The following CAPN11 variants were observed in gnomAD, a reference collection of about 807,000 sequenced individuals.
CAPN11 encodes the protein calpain-11.
Under a neutral mutation model 105.3 loss-of-function variants are expected in CAPN11, and 108 were observed. The observed-to-expected ratio is 1.03, with a 90% CI of 0.88 to 1.20. CAPN11 has a LOEUF of 1.20. Ranked by LOEUF, CAPN11 falls within the 50% of genes most tolerant of loss-of-function variation. The pLI, the probability that CAPN11 is intolerant of heterozygous loss-of-function variation, is 0.00. For missense variants in CAPN11, 883 were observed against 924.8 expected (o/e 0.95, Z 0.59); for synonymous variants, 329 against 344.5 (o/e 0.96, Z 0.50).
intron 7 of CAPN11, among the ~76,000 whole-genome samples, chr6:44,174,895 C>T (rs1007617498): frequency 4.0e-5 from 6 of 151,826 alleles, no homozygotes; most frequent in East Asian, 3.9e-4. Context: ...GCTGGGATTG[C>T]GGGTGTGAGC....
At chr6:44,166,084 A>G (rs1769784592) in intron 1 of CAPN11, among the ~76,000 whole-genome samples, 1 of 152,052 alleles carries the variant, frequency 6.6e-6, no homozygotes, top group African/African-American at 2.4e-5. Context: ...GGGGACCAGG[A>G]GAACAGGGGT....
At chr6:44,180,320 C>T in intron 14 of CAPN11, 140 bp from the exon 15 acceptor site, 1 of 930,538 alleles carries the variant, frequency 1.1e-6, no homozygotes, top group Non-Finnish European at 1.7e-6. Flanking sequence ...AGTGGCAGAA[C>T]CAGAACTAGA....
intron 11 of CAPN11, 89 bp downstream of exon 11, chr6:44,177,087 C>A: frequency 6.6e-7 from 1 of 1,515,124 alleles, no homozygotes; most frequent in Non-Finnish European, 9.0e-7. Flanking sequence ...GCACGAGTCA[C>A]CGGAGTCAGG....
At position 44,184,006 on chromosome 6, in the gene CAPN11, T is replaced by C; in HGVS notation, c.*74T>C. The C allele has an allele frequency of 6.7e-7, 1 of 1,496,992 alleles. No homozygotes were observed. Among genetic ancestry groups the C allele is most frequent in the South Asian group, 1.2e-5 (1 of 82,828 alleles). The allele number at this position is 1,496,992 out of a possible 1,614,324, so 92.7% of individuals were successfully genotyped here. On this transcript the variant is annotated 3_prime_UTR_variant, in exon 23 of 23. Coordinates refer to ENST00000398776, the MANE Select transcript of CAPN11 (RefSeq NM_007058.4). Reference sequence around the variant, plus strand: ...GTTCTAGCCCAGGAGGGTGGGGTGCTTCTTGTAGCCCTCAGCTCTCCGGTC... The same window carrying C: ...GTTCTAGCCCAGGAGGGTGGGGTGCCTCTTGTAGCCCTCAGCTCTCCGGTC...
chr6:44,167,044 C>T (rs534124092), intron 2 of CAPN11, among the ~76,000 whole-genome samples: 6 of 152,188 alleles, frequency 3.9e-5, no homozygotes, highest in Admixed American at 1.3e-4. Context: ...AGTCCCAAGC[C>T]GCCTGGCAGG....
rs1454793701 is a variant in CAPN11 at position 44,181,622 on chromosome 6, CACACAT to C, written c.1938+308_1938+313del. On this transcript the variant is annotated intron_variant, in intron 19 of 22. Coordinates refer to ENST00000398776, the MANE Select transcript of CAPN11 (RefSeq NM_007058.4). Reference sequence around the variant, plus strand: ...GACACAACCACACCACACTCACACACACACATACACACTCACATACAGACACAACCA... The same window carrying C: ...GACACAACCACACCACACTCACACACACACACTCACATACAGACACAACCA... Among the ~76,000 whole-genome samples, 16 of 19,258 alleles carry C rather than the reference CACACAT, an allele frequency of 8.3e-4. 1 individual carries two copies. The highest frequency in any genetic ancestry group is 2.1e-3 in the African/African-American group (8 of 3,820). The allele number at this position is 19,258 out of a possible 152,430, so 12.6% of individuals were successfully genotyped here. A position where few individuals can be genotyped will look rare whatever the true frequency, so the allele number is the denominator to read the frequency against.
At chr6:44,168,526 C>T (rs1301948758) in intron 2 of CAPN11, among the ~76,000 whole-genome samples, 1 of 151,824 alleles carries the variant, frequency 6.6e-6, no homozygotes, top group African/African-American at 2.4e-5. Context: ...CCTTGTTCTC[C>T]CAAAGTGCTG....
intron 19 of CAPN11, among the ~76,000 whole-genome samples, chr6:44,181,972 C>T (rs1278355487): frequency 7.3e-5 from 9 of 123,132 alleles, no homozygotes; most frequent in South Asian, 2.4e-4. Context: ...CACATACACA[C>T]TCACATACAG....
At chr6:44,168,934 T>A (rs1310371082) in intron 2 of CAPN11, 5 of 455,880 alleles carry the variant, frequency 1.1e-5, no homozygotes, top group African/African-American at 6.0e-5. Context: ...TTATTTATTT[T>A]TTTTTAGAGA....
At chr6:44,183,842 G>A in intron 22 of CAPN11, 64 bp from the exon 23 acceptor site, 1 of 1,386,554 alleles carries the variant, frequency 7.2e-7, no homozygotes, top group Non-Finnish European at 1.0e-6. Context: ...CAGCTCTGAT[G>A]TCCCCGGGCC....
intron 4 of CAPN11, among the ~76,000 whole-genome samples, chr6:44,170,482 C>T (rs1770788739): frequency 6.6e-6 from 1 of 152,156 alleles, no homozygotes; most frequent in Non-Finnish European, 1.5e-5. Flanking sequence ...GGCCCCAGTT[C>T]CTCACCACAT....
chr6:44,165,078 G>A (rs546767505), intron 1 of CAPN11, among the ~76,000 whole-genome samples: 7 of 152,072 alleles, frequency 4.6e-5, no homozygotes, highest in South Asian at 2.1e-4. Context: ...TAGTAGACAC[G>A]AGGTTTCACC....
At chr6:44,170,072 G>A (rs1358546521) in intron 4 of CAPN11, 97 bp downstream of exon 4, 1 of 891,518 alleles carries the variant, frequency 1.1e-6, no homozygotes, top group African/African-American at 1.7e-5. Context: ...GGAGCCCTGA[G>A]GTCAGACAGC....
In CAPN11 at chr6:44,176,918, A is replaced by T. The variant is rs758715778; in HGVS notation, c.1157A>T (p.Tyr386Phe). 2.5e-6 allele frequency: 4 copies of T among 1,613,842 alleles called. No homozygotes were observed. The East Asian group carries it at 8.9e-5, about 36-fold the overall frequency. ...ACGCCTGATACACTCTCTGGGGACT[A>T]CAAGAGCTACTGGCACACCACCTTC... ...NLTPDTLSGD[Y>F]KSYWHTTFYE... The change falls in exon 11 of 23, where the codon TAC (tyrosine) becomes TTC (phenylalanine). Residue 386 changes from tyrosine (Y) to phenylalanine (F), a missense_variant. Tyr to Phe is a conservative substitution (Grantham distance 22). Transcript: ENST00000398776.
intron 1 of CAPN11, among the ~76,000 whole-genome samples, chr6:44,160,181 A>G (rs1046996813): frequency 6.6e-6 from 1 of 152,218 alleles, no homozygotes; most frequent in Non-Finnish European, 1.5e-5. Context: ...TGTTCTCACC[A>G]CAAACAAATA....
Position 44,176,076 on chromosome 6 carries a change from T to A in CAPN11, c.840T>A (p.Ser280Arg), listed in dbSNP as rs760858533. The change falls in exon 8 of 23, where the codon AGT becomes AGA. Residue 280 changes from serine to arginine, a missense_variant. By Grantham distance (110) the Ser-to-Arg change is moderately radical. Transcript: ENST00000398776. ...CCCTCTCTGTTCTGTAGGTCACCAGTGATAGTGAACTGGAATCCATGACTG... is the reference window on the plus strand; with the variant it reads ...CCCTCTCTGTTCTGTAGGTCACCAGAGATAGTGAACTGGAATCCATGACTG... The part of the protein sequence containing the change: ...SLMGCSIEVT[S>R]DSELESMTDK... The A allele has an allele frequency of 4.3e-6, 7 of 1,609,902 alleles. No homozygotes were observed. The highest frequency in any genetic ancestry group is 5.1e-6 in the Non-Finnish European group (6 of 1,177,454).
chr6:44,170,558 A>G (rs921875824), intron 4 of CAPN11, among the ~76,000 whole-genome samples: 1 of 152,202 alleles, frequency 6.6e-6, no homozygotes, highest in South Asian at 2.1e-4. Context: ...AAAGCGAGTT[A>G]TCTAAGAGAG....
intron 19 of CAPN11, among the ~76,000 whole-genome samples, chr6:44,182,194 ACACAACCACACCACAC>A (rs2128317657): frequency 1.6e-5 from 2 of 126,086 alleles, no homozygotes; most frequent in Non-Finnish European, 1.7e-5. Flanking sequence ...TCACATACAG[ACACAACCACACCACAC>A]TCACACACAC....
intron 4 of CAPN11, among the ~76,000 whole-genome samples, chr6:44,170,179 C>T (rs953152427): frequency 6.6e-6 from 1 of 152,182 alleles, no homozygotes; most frequent in African/African-American, 2.4e-5. Context: ...CCACTCCCTG[C>T]CTGCTGCAGC....
Sources: allele counts gnomAD v4.1 joint callset (sites outside exome capture counted in the v4.1 genomes callset), GRCh38; gene constraint gnomAD v4.1.1; transcripts MANE v1.5; gene names NCBI Gene and HGNC (gene_info 2026-07-23, HGNC 2026-07-21).